The following MSRA variants were observed in gnomAD, a reference collection of about 807,000 sequenced individuals.
MSRA encodes the protein methionine sulfoxide reductase A, also known as mitochondrial peptide methionine sulfoxide reductase.
Under a neutral mutation model 31.3 loss-of-function variants are expected in MSRA, and 54 were observed. That is an observed-to-expected ratio of 1.73 (90% confidence interval 1.39 to 2.17). MSRA has a LOEUF of 2.17. Ranked by LOEUF, MSRA falls within the 30% of genes most tolerant of loss-of-function variation. MSRA has a pLI of 0.00. For synonymous variants in MSRA, 169 were observed against 116.5 expected, an observed-to-expected ratio of 1.45 and a Z score of -2.90; for missense variants, 507 against 300.9, an observed-to-expected ratio of 1.69 and a Z score of -5.07.
intron 1 of MSRA, among the ~76,000 whole-genome samples, chr8:10,061,403 C>G (rs1802713957): frequency 1.3e-5 from 2 of 152,148 alleles, no homozygotes; most frequent in South Asian, 4.1e-4. Context: ...CCCGGAAACC[C>G]ATCCTTTTTC....
At chr8:10,349,134 C>T (rs923367243) in intron 5 of MSRA, among the ~76,000 whole-genome samples, 3 of 152,190 alleles carry the variant, frequency 2.0e-5, no homozygotes, top group African/African-American at 7.2e-5. Context: ...ACATGATAAT[C>T]ATAAATTAAA....
chr8:10,135,886 A>T (rs1802235662), intron 1 of MSRA, among the ~76,000 whole-genome samples: 1 of 152,220 alleles, frequency 6.6e-6, no homozygotes, highest in Non-Finnish European at 1.5e-5. Context: ...CGAACCATGC[A>T]GAAAGGTAGA....
In MSRA at chr8:10,054,582, G is replaced by A. The variant is rs138517353; in HGVS notation, c.66G>A (p.Arg22=). 6.3e-7 allele frequency: 1 copy of A among 1,584,108 alleles called. No individual in the cohort carries two copies. Among genetic ancestry groups the A allele is most frequent in the Non-Finnish European group, 8.6e-7 (1 of 1,165,638 alleles). ...LLLHSLFPVP[R]MGNSASNIVS... Reference sequence around the variant, plus strand: ...TCCACAGCCTCTTTCCCGTCCCGAGGATGGGCAACTCGGCCTCGAACATCG... The same window carrying A: ...TCCACAGCCTCTTTCCCGTCCCGAGAATGGGCAACTCGGCCTCGAACATCG... The change falls in exon 1 of 6, where the codon AGG becomes AGA. Residue 22 remains arginine, a synonymous_variant. Coordinates refer to ENST00000317173, the MANE Select transcript of MSRA (RefSeq NM_012331.5).
At chr8:10,155,958 A>T (rs1442139857) in intron 1 of MSRA, among the ~76,000 whole-genome samples, 1 of 152,214 alleles carries the variant, frequency 6.6e-6, no homozygotes, top group African/African-American at 2.4e-5. Context: ...TTAGCACAGT[A>T]TTCTCTGTGC....
At chr8:10,158,151 C>G (rs1462596441) in intron 1 of MSRA, among the ~76,000 whole-genome samples, 1 of 152,166 alleles carries the variant, frequency 6.6e-6, no homozygotes, top group Non-Finnish European at 1.5e-5. Flanking sequence ...ATTAGGGCCC[C>G]ATCCTCATGA....
At chr8:10,239,627 GC>G (rs1812238311) in intron 2 of MSRA, among the ~76,000 whole-genome samples, 1 of 152,212 alleles carries the variant, frequency 6.6e-6, no homozygotes, top group African/African-American at 2.4e-5. Context: ...ATCCCAGAGT[GC>G]CCAGGCAATA....
intron 2 of MSRA, among the ~76,000 whole-genome samples, chr8:10,235,212 C>G (rs1411205009): frequency 6.6e-6 from 1 of 152,030 alleles, no homozygotes; most frequent in Non-Finnish European, 1.5e-5. Context: ...ATAATGAAGA[C>G]CACATTCTCT....
chr8:10,206,961 G>A (rs1809044099), intron 1 of MSRA, among the ~76,000 whole-genome samples: 1 of 152,208 alleles, frequency 6.6e-6, no homozygotes, highest in Admixed American at 6.5e-5. Flanking sequence ...CCAATCCAGT[G>A]TGACCCATTA....
At chr8:10,128,979 C>T (rs906858709) in intron 1 of MSRA, among the ~76,000 whole-genome samples, 1 of 152,166 alleles carries the variant, frequency 6.6e-6, no homozygotes, top group Non-Finnish European at 1.5e-5. Context: ...TAACCCTTTA[C>T]GCTATATAAT....
chr8:10,090,760 C>G (rs1798812897), intron 1 of MSRA, among the ~76,000 whole-genome samples: 1 of 152,196 alleles, frequency 6.6e-6, no homozygotes, highest in South Asian at 2.1e-4. Flanking sequence ...TTCTTCTGAA[C>G]CTTTCATATA....
chr8:10,324,595 C>T (rs1172482895), intron 5 of MSRA, among the ~76,000 whole-genome samples: 1 of 152,156 alleles, frequency 6.6e-6, no homozygotes, highest in African/African-American at 2.4e-5. Context: ...AGCAATAGAG[C>T]TAAGTGGACA....
intron 1 of MSRA, among the ~76,000 whole-genome samples, chr8:10,063,315 C>A (rs775634113): frequency 2.6e-5 from 4 of 152,204 alleles, no homozygotes; most frequent in Admixed American, 6.5e-5. Flanking sequence ...CTGTTCAGAG[C>A]ATTATCAACA....
At chr8:10,399,117 A>C (rs1807284082) in intron 5 of MSRA, among the ~76,000 whole-genome samples, 1 of 152,214 alleles carries the variant, frequency 6.6e-6, no homozygotes, top group South Asian at 2.1e-4. Flanking sequence ...TTAAAGATGG[A>C]ACTTGAAGTT....
chr8:10,311,801 C>A (rs540959113), intron 4 of MSRA, among the ~76,000 whole-genome samples: 2 of 152,192 alleles, frequency 1.3e-5, no homozygotes, highest in East Asian at 3.9e-4. Context: ...CCTGTAGTCC[C>A]AGCTACTCAG....
intron 5 of MSRA, among the ~76,000 whole-genome samples, chr8:10,336,079 C>T (rs1028331806): frequency 6.6e-6 from 1 of 152,170 alleles, no homozygotes; most frequent in South Asian, 2.1e-4. Flanking sequence ...GATCGCTCCT[C>T]CCTTTCTTCT....
chr8:10,134,166 A>G (rs1216627487), intron 1 of MSRA, among the ~76,000 whole-genome samples: 1 of 152,088 alleles, frequency 6.6e-6, no homozygotes, highest in Non-Finnish European at 1.5e-5. Context: ...TGTGGTGATA[A>G]ATTATGAAAT....
chr8:10,214,956 A>T (rs1175751231), intron 2 of MSRA, among the ~76,000 whole-genome samples: 1 of 152,218 alleles, frequency 6.6e-6, no homozygotes, highest in East Asian at 1.9e-4. Context: ...TGGTTTGGAA[A>T]GCATTGGCTG....
intron 1 of MSRA, among the ~76,000 whole-genome samples, chr8:10,158,882 A>T (rs1020628636): frequency 3.3e-5 from 5 of 152,140 alleles, no homozygotes; most frequent in African/African-American, 1.2e-4. Flanking sequence ...ATCCTCTCCA[A>T]CGCTTGCTGT....
rs1455262644 is a variant in MSRA, at chr8:10,301,578, G to C, written c.376G>C (p.Glu126Gln). 5 of 1,614,134 alleles carry C rather than the reference G, an allele frequency of 3.1e-6. No individual in the cohort carries two copies. The highest frequency in any genetic ancestry group is 1.6e-4 in the Middle Eastern group (1 of 6,062). The change falls in exon 4 of 6, where the codon GAA (glutamate) becomes CAA (glutamine). Residue 126 changes from glutamate (E) to glutamine (Q), a missense_variant. Glu to Gln is a conservative substitution (Grantham distance 29). Transcript: ENST00000317173. ...AGTCGTCCGAGTGGTGTACCAGCCA[G>C]AACACATGAGTTTTGAGGAACTGCT... is the stretch of plus-strand genomic sequence containing the variant. ...AEVVRVVYQP[E>Q]HMSFEELLKV...
Sources: gnomAD v4.1 joint callset for allele counts (sites outside exome capture counted in the v4.1 genomes callset) on GRCh38, gnomAD v4.1.1 for gene constraint, MANE v1.5 for transcripts, NCBI Gene and HGNC (gene_info 2026-07-23, HGNC 2026-07-21) for gene names.